GUCA1A: variants seen among roughly 807,000 people sequenced by gnomAD.
GUCA1A encodes guanylate cyclase activator 1A, also known as guanylyl cyclase-activating protein 1.
A neutral mutation model predicts 18.5 loss-of-function variants in GUCA1A; 14 were observed. The ratio of observed to expected loss-of-function variants is 0.76; its 90% CI spans 0.50 to 1.18. GUCA1A has a LOEUF of 1.18. GUCA1A is among the 50% of genes most tolerant of loss of function. The pLI is 0.00. For synonymous variants in GUCA1A, 97 were observed against 100.2 expected, an observed-to-expected ratio of 0.97 and a Z score of 0.19; for missense variants, 264 against 262.4, an observed-to-expected ratio of 1.01 and a Z score of -0.04.
Position 42,179,237 on chromosome 6 carries a change from C to T in GUCA1A, c.446-6C>T, listed in dbSNP as rs754179751. On this transcript the variant is annotated splice_polypyrimidine_tract_variant and splice_region_variant and intron_variant, in intron 3 of 3. Transcript: ENST00000372958. ...CTCCCCCTGATTCCCTTTCTCTCTA[C>T]CCCAGGGGAACTCTCCCTGGAAGAG... The T allele has an allele frequency of 1.2e-6, 2 of 1,611,456 alleles. No homozygotes were observed. The highest frequency in any genetic ancestry group is 1.3e-5 in the African/African-American group (1 of 74,994).
chr6:42,175,996 C>A (rs1366227377), intron 1 of GUCA1A, among the ~76,000 whole-genome samples: 2 of 151,746 alleles, frequency 1.3e-5, no homozygotes, highest in African/African-American at 4.9e-5. Context: ...CCCGCAAGCA[C>A]CTGTCGTCTT....
chr6:42,176,166 C>T (rs887475858), intron 1 of GUCA1A, among the ~76,000 whole-genome samples: 19 of 152,246 alleles, frequency 1.2e-4, no homozygotes, highest in African/African-American at 4.6e-4. Flanking sequence ...TAATAATATT[C>T]ATTGTATGAG....
At chr6:42,178,728 G>T in intron 2 of GUCA1A, 74 bp from the exon 3 acceptor site, 2 of 1,208,054 alleles carry the variant, frequency 1.7e-6, no homozygotes, top group South Asian at 2.4e-5. Flanking sequence ...GACAAGCTCT[G>T]ACCGTCCCCA....
At chr6:42,177,906 CAT>C (rs1768000253) in intron 1 of GUCA1A, among the ~76,000 whole-genome samples, 2 of 152,244 alleles carry the variant, frequency 1.3e-5, no homozygotes, top group Admixed American at 6.5e-5. Context: ...CACCTACGCA[CAT>C]GTCTCCCATT....
chr6:42,173,931 C>A (rs1163154879), intron 1 of GUCA1A, 117 bp downstream of exon 1: 1 of 749,984 alleles, frequency 1.3e-6, no homozygotes, highest in African/African-American at 1.7e-5. Flanking sequence ...TGGGGAGCAA[C>A]TTCATTTATA....
chr6:42,178,473 G>A (rs1204891296), intron 2 of GUCA1A, 44 bp downstream of exon 2: 3 of 1,566,204 alleles, frequency 1.9e-6, no homozygotes. Context: ...GTCTGGGGTG[G>A]GACCCGGAAC....
intron 1 of GUCA1A, among the ~76,000 whole-genome samples, chr6:42,175,550 A>G (rs1767935935): frequency 6.6e-6 from 1 of 151,774 alleles, no homozygotes; most frequent in South Asian, 2.1e-4. Flanking sequence ...TTTTTAGTAG[A>G]GATGGGGTTT....
chr6:42,173,757 G>C lies in GUCA1A; in HGVS notation c.144G>C (p.Leu48=). ...GCCAGTTCTTCGGCCTCAAGAACCT[G>C]AGCCCGTCGGCCAGCCAGTACGTGG... ...EFRQFFGLKN[L]SPSASQYVEQ... The change falls in exon 1 of 4, where the codon CTG becomes CTC. Residue 48 remains leucine (L), a synonymous_variant. Transcript: ENST00000372958. 1 of 1,614,200 alleles carries C rather than the reference G, an allele frequency of 6.2e-7. No homozygotes were observed. Among genetic ancestry groups the C allele is most frequent in the Non-Finnish European group, 8.5e-7 (1 of 1,180,028 alleles).
At chr6:42,174,000 G>A (rs533774151) in intron 1 of GUCA1A, among the ~76,000 whole-genome samples, 186 bp downstream of exon 1, 13 of 152,294 alleles carry the variant, frequency 8.5e-5, no homozygotes, top group Non-Finnish European at 1.5e-4. Flanking sequence ...CGGATCTAAT[G>A]TTTGTGCTTT....
chr6:42,178,621 C>A (rs1356219094), intron 2 of GUCA1A, 181 bp from the exon 3 acceptor site: 2 of 812,590 alleles, frequency 2.5e-6, no homozygotes, highest in Non-Finnish European at 4.3e-6. Context: ...GTTTCCTCAT[C>A]AATACCAAAA....
chr6:42,173,629 G>A lies in GUCA1A; in HGVS notation c.16G>A (p.Glu6Lys). 1.9e-6 allele frequency: 3 copies of A among 1,614,028 alleles called. No individual in the cohort carries two copies. The highest frequency in any genetic ancestry group is 2.5e-6 in the Non-Finnish European group (3 of 1,179,916). ...GGCCTGAGCAATGGGCAACGTGATG[G>A]AGGGAAAGTCAGTGGAGGAGCTGAG... The part of the protein sequence containing the change: MGNVM[E>K]GKSVEELSST... The change falls in exon 1 of 4, where the codon GAG becomes AAG. Residue 6 changes from glutamate (E) to lysine (K), a missense_variant. By Grantham distance (56) the Glu-to-Lys change is moderately conservative (BLOSUM62 1). Transcript: ENST00000372958.
chr6:42,174,247 T>C (rs2113833904), intron 1 of GUCA1A, among the ~76,000 whole-genome samples: 1 of 152,258 alleles, frequency 6.6e-6, no homozygotes, highest in South Asian at 2.1e-4. Flanking sequence ...ACGTGGTGCT[T>C]TTGCAAACAC....
intron 1 of GUCA1A, among the ~76,000 whole-genome samples, chr6:42,175,853 C>T (rs779630735): frequency 3.9e-5 from 6 of 152,156 alleles, no homozygotes; most frequent in Non-Finnish European, 7.3e-5. Context: ...GAATTCTGCT[C>T]GGCTTACACC....
intron 1 of GUCA1A, among the ~76,000 whole-genome samples, chr6:42,174,763 A>C (rs1767903980): frequency 1.3e-5 from 2 of 152,252 alleles, no homozygotes; most frequent in Admixed American, 6.5e-5. Context: ...TAGTTGTGGA[A>C]GAGCCCAAAT....
At chr6:42,177,226 CTGTT>C in intron 1 of GUCA1A, among the ~76,000 whole-genome samples, 1 of 152,270 alleles carries the variant, frequency 6.6e-6, no homozygotes, top group Non-Finnish European at 1.5e-5. Context: ...CATTCACTAG[CTGTT>C]TGGCCTAATC....
rs1440544847 is a variant in GUCA1A, at chr6:42,173,526, G to A, written c.-88G>A. On this transcript the variant is annotated 5_prime_UTR_variant, in exon 1 of 4. Coordinates refer to ENST00000372958, the MANE Select transcript of GUCA1A (RefSeq NM_001384910.1). The stretch of plus-strand genomic sequence containing the variant: ...GGACTCAGGCCTGTGAGAGAGGACG[G>A]CCCCGTTGTCGGCCAAGACACCTTT... 1.3e-5 allele frequency: 13 copies of A among 1,035,018 alleles called. No individual in the cohort carries two copies. The highest frequency in any genetic ancestry group is 5.2e-5 in the Admixed American group (3 of 57,606). 64.1% of individuals were successfully genotyped at this position (1,035,018 alleles called of 1,614,324 possible).
At chr6:42,175,410 G>C (rs1438539641) in intron 1 of GUCA1A, among the ~76,000 whole-genome samples, 1 of 140,558 alleles carries the variant, frequency 7.1e-6, no homozygotes, top group Non-Finnish European at 1.5e-5. Flanking sequence ...GCCCAGACTG[G>C]AGTGCAGTGG....
intron 2 of GUCA1A, 45 bp downstream of exon 2, chr6:42,178,474 G>C: frequency 6.5e-7 from 1 of 1,550,214 alleles, no homozygotes. Flanking sequence ...TCTGGGGTGG[G>C]ACCCGGAACT....
chr6:42,178,341 T>A lies in GUCA1A; in HGVS notation c.263T>A (p.Val88Glu), dbSNP rs1768015037. The change falls in exon 2 of 4, where the codon GTG (valine) becomes GAG (glutamate). Residue 88 changes from valine to glutamate, a missense_variant. By Grantham distance (121) the Val-to-Glu change is moderately radical. Transcript: ENST00000372958. ...CTCAGCTTGGTCCTCAAGGGGAAGG[T>A]GGAACAGAAGCTCCGCTGGTACTTC... ...AALSLVLKGKVEQKLRWYFKL... is the reference protein window; with the variant it reads ...AALSLVLKGKEEQKLRWYFKL... 1 of 1,613,912 alleles carries A rather than the reference T, an allele frequency of 6.2e-7. No individual in the cohort carries two copies.
Sources: allele counts gnomAD v4.1 joint callset (sites outside exome capture counted in the v4.1 genomes callset), GRCh38; gene constraint gnomAD v4.1.1; transcripts MANE v1.5; gene names NCBI Gene and HGNC (gene_info 2026-07-23, HGNC 2026-07-21).